Variants in NELL1 observed in about 807,000 individuals in gnomAD.
NELL1 encodes the protein neural EGFL like 1, also known as protein kinase C-binding protein NELL1.
A neutral mutation model predicts 107.4 loss-of-function variants in NELL1; 76 were observed. That is an observed-to-expected ratio of 0.71 (90% confidence interval 0.59 to 0.86). The LOEUF is 0.86. Ranked by LOEUF, NELL1 falls within the 40% of genes least tolerant of loss-of-function variation. The probability of loss-of-function intolerance (pLI) is 0.00; values close to 1 mark genes in which losing one functional copy is unlikely to be tolerated. For synonymous variants in NELL1, 353 were observed against 341.2 expected (o/e 1.03, Z -0.38); for missense variants, 1,024 against 1,005.5 (o/e 1.02, Z -0.25).
At chr11:21,266,880 CTT>C (rs1848646767) in intron 14 of NELL1, among the ~76,000 whole-genome samples, 1 of 152,058 alleles carries the variant, frequency 6.6e-6, no homozygotes, top group Non-Finnish European at 1.5e-5. Flanking sequence ...GAATGTCACA[CTT>C]ATGCATTTAT....
intron 2 of NELL1, among the ~76,000 whole-genome samples, chr11:20,700,551 C>A (rs749061541): frequency 3.9e-5 from 6 of 151,928 alleles, no homozygotes; most frequent in Non-Finnish European, 7.4e-5. Flanking sequence ...GATACATGTG[C>A]ACAACATGCA....
At chr11:21,260,981 C>A (rs72945730) in intron 14 of NELL1, among the ~76,000 whole-genome samples, 22 of 151,660 alleles carry the variant, frequency 1.5e-4, no homozygotes, top group Non-Finnish European at 3.0e-4. Flanking sequence ...TATAAATATT[C>A]TTTAAGTGGA....
intron 13 of NELL1, among the ~76,000 whole-genome samples, chr11:21,204,672 C>G (rs1406220439): frequency 1.3e-5 from 2 of 151,866 alleles, no homozygotes; most frequent in Admixed American, 1.3e-4. Context: ...GAGTTGTGAT[C>G]CTTTGGAGAA....
intron 14 of NELL1, among the ~76,000 whole-genome samples, chr11:21,349,070 A>C (rs1406956251): frequency 6.6e-6 from 1 of 152,146 alleles, no homozygotes; most frequent in Non-Finnish European, 1.5e-5. Context: ...AAAGCACAAA[A>C]GGTCATTTGG....
intron 13 of NELL1, among the ~76,000 whole-genome samples, chr11:21,160,693 T>A (rs1286822453): frequency 2.0e-5 from 3 of 152,188 alleles, no homozygotes; most frequent in African/African-American, 2.4e-5. Context: ...TTAGCAAGTT[T>A]TGAGCAATGG....
chr11:21,499,731 G>C (rs1855087168), intron 15 of NELL1, among the ~76,000 whole-genome samples: 1 of 152,050 alleles, frequency 6.6e-6, no homozygotes, highest in African/African-American at 2.4e-5. Flanking sequence ...ATGACTCTCT[G>C]GGAAAGGAAT....
intron 3 of NELL1, among the ~76,000 whole-genome samples, chr11:20,835,846 A>G (rs547339722): frequency 6.6e-6 from 1 of 152,316 alleles, no homozygotes; most frequent in Admixed American, 6.5e-5. Context: ...CATAGGAGAA[A>G]ATCTACATAA....
At chr11:20,947,510 A>G in intron 11 of NELL1, 75 bp downstream of exon 11, 1 of 1,045,458 alleles carries the variant, frequency 9.6e-7, no homozygotes, top group Non-Finnish European at 1.5e-6. Context: ...ATTTTAATGA[A>G]TAGTATGATA....
intron 12 of NELL1, among the ~76,000 whole-genome samples, chr11:21,034,709 G>A (rs1431707209): frequency 6.6e-6 from 1 of 152,000 alleles, no homozygotes; most frequent in Non-Finnish European, 1.5e-5. Flanking sequence ...ATGAGAATAA[G>A]GATACAACAT....
At chr11:20,778,673 C>T (rs935829023) in intron 2 of NELL1, among the ~76,000 whole-genome samples, 5 of 152,016 alleles carry the variant, frequency 3.3e-5, no homozygotes, top group Admixed American at 6.6e-5. Context: ...GCATTTGGAA[C>T]GCCATTTTCC....
At position 21,194,099 on chromosome 11, in the gene NELL1, C is replaced by T. The variant is rs1284373419; in HGVS notation, c.1427-35233C>T. Among the ~76,000 whole-genome samples the T allele has an allele frequency of 4.6e-5, 7 of 151,786 alleles. No homozygotes were observed. In the East Asian group the frequency reaches 7.7e-4, roughly 17 times the overall value. On this transcript the variant is annotated intron_variant, in intron 13 of 19. Coordinates refer to ENST00000357134, the MANE Select transcript of NELL1 (RefSeq NM_006157.5). ...GATGGAACTCATATTGACCTTTAGT[C>T]GCTGTTAAAATATCTCTAAAGGACA...
intron 2 of NELL1, among the ~76,000 whole-genome samples, chr11:20,688,007 A>G (rs989523133): frequency 6.6e-6 from 1 of 151,934 alleles, no homozygotes; most frequent in Non-Finnish European, 1.5e-5. Flanking sequence ...CTTAATGTGT[A>G]ACAAGAAGTA....
chr11:21,386,355 A>G (rs545275589), intron 15 of NELL1, among the ~76,000 whole-genome samples: 2 of 152,018 alleles, frequency 1.3e-5, no homozygotes, highest in South Asian at 4.1e-4. Context: ...TTTGCGTATC[A>G]TGTTCTGAAT....
intron 13 of NELL1, among the ~76,000 whole-genome samples, chr11:21,174,835 CT>C (rs541423507): frequency 1.4e-3 from 216 of 151,772 alleles, no homozygotes; most frequent in Non-Finnish European, 2.1e-3. Flanking sequence ...AACTCCACTT[CT>C]GTCATTCCCT....
intron 18 of NELL1, 52 bp downstream of exon 18, chr11:21,570,992 C>A: frequency 6.5e-7 from 1 of 1,547,886 alleles, no homozygotes; most frequent in Non-Finnish European, 8.8e-7. Context: ...AAAGAGGTTA[C>A]AAATTCAGTT....
chr11:20,691,871 C>G (rs1214026346), intron 2 of NELL1, among the ~76,000 whole-genome samples: 1 of 152,120 alleles, frequency 6.6e-6, no homozygotes, highest in African/African-American at 2.4e-5. Context: ...ACCAGTTCCT[C>G]CTTGTACCTC....
At chr11:21,074,892 A>T (rs1395151811) in intron 12 of NELL1, among the ~76,000 whole-genome samples, 2 of 152,174 alleles carry the variant, frequency 1.3e-5, no homozygotes, top group Admixed American at 1.3e-4. Context: ...GTCTGTACGG[A>T]TGTGTGAGGC....
At chr11:21,525,753 C>T (rs1365401374) in intron 15 of NELL1, among the ~76,000 whole-genome samples, 1 of 152,134 alleles carries the variant, frequency 6.6e-6, no homozygotes, top group Non-Finnish European at 1.5e-5. Context: ...GAGAAGAGAG[C>T]TTGTGCAGGG....
rs1564902860 is a variant in NELL1, at chr11:21,455,850, C to T, written c.1646-78524C>T. Among the ~76,000 whole-genome samples the T allele has an allele frequency of 2.7e-5, 4 of 147,382 alleles. No homozygotes were observed. In the South Asian group the frequency reaches 8.8e-4, roughly 32 times the overall value. ...TTGACCCCCTTTTACTTTTTCTTTT[C>T]TTTTCTTACTTTCTTCTTTCTTTTC... On this transcript the variant is annotated intron_variant, in intron 15 of 19. Coordinates refer to ENST00000357134, the MANE Select transcript of NELL1 (RefSeq NM_006157.5).
Sources: gnomAD v4.1 joint callset for allele counts (sites outside exome capture counted in the v4.1 genomes callset) on GRCh38, gnomAD v4.1.1 for gene constraint, MANE v1.5 for transcripts, NCBI Gene and HGNC (gene_info 2026-07-23, HGNC 2026-07-21) for gene names.